GVQW3: variants seen among roughly 807,000 people sequenced by gnomAD.
The protein encoded by GVQW3 is protein GVQW3.
Under a neutral mutation model 12.5 loss-of-function variants are expected in GVQW3, and 7 were observed. The observed-to-expected ratio is 0.56, with a 90% CI of 0.32 to 1.05. The LOEUF is 1.05. Ranked by LOEUF, GVQW3 falls within the 50% of genes least tolerant of loss-of-function variation. GVQW3 has a pLI of 0.04. For missense variants in GVQW3, 188 were observed against 190.8 expected (o/e 0.99, Z 0.09); for synonymous variants, 71 against 67.2 (o/e 1.06, Z -0.28).
In GVQW3 at chr11:76,386,841, A is replaced by G. The variant is rs558126234; in HGVS notation, c.465+4548A>G. Among the ~76,000 whole-genome samples, 33 of 152,254 alleles carry G rather than the reference A, an allele frequency of 2.2e-4. 1 individual carries two copies. The South Asian group carries it at 3.3e-3, about 15-fold the overall frequency. ...TCCTTGCAAATACTGTCCTAGTTGA[A>G]TCACCCCTTTCCCAGTATTAATATC... On this transcript the variant is annotated intron_variant, in intron 1 of 1. Coordinates refer to ENST00000529331, the MANE Select transcript of GVQW3 (RefSeq NM_001347885.2).
chr11:76,412,056 C>T (rs1238764569), downstream of GVQW3: 1 of 152,164 alleles, frequency 6.6e-6, no homozygotes, highest in African/African-American at 2.4e-5. Flanking sequence ...ACAGCTTTCC[C>T]AGAGAGCCCA....
At chr11:76,393,338 G>C (rs989544789) in intron 1 of GVQW3, among the ~76,000 whole-genome samples, 1 of 152,082 alleles carries the variant, frequency 6.6e-6, no homozygotes, top group African/African-American at 2.4e-5. Context: ...TTGGAATCAT[G>C]TTTTCTTTGA....
intron 1 of GVQW3, among the ~76,000 whole-genome samples, chr11:76,398,651 T>C (rs1426989544): frequency 6.6e-6 from 1 of 152,058 alleles, no homozygotes. Flanking sequence ...TTTATGGAGT[T>C]GGTCTTGCTA....
At chr11:76,398,120 CTG>C (rs1565245752) in intron 1 of GVQW3, among the ~76,000 whole-genome samples, 2 of 140,118 alleles carry the variant, frequency 1.4e-5, no homozygotes, top group African/African-American at 5.4e-5. Flanking sequence ...GGGTAATAGA[CTG>C]AGACTGTGTC....
chr11:76,408,065 A>T lies in GVQW3; in HGVS notation c.*4307A>T, dbSNP rs528687916. 2.8e-4 allele frequency: 43 copies of T among 152,252 alleles called. No homozygotes were observed. The highest frequency in any genetic ancestry group is 1.0e-3 in the African/African-American group (43 of 41,584). The allele number at this position is 152,252 out of a possible 1,614,324, so 9.4% of individuals were successfully genotyped here. ...TATATATAATTTTTCTTATTATAAC[A>T]ATAAATATTACTTTTGTAGTTAGAA... On this transcript the variant is annotated 3_prime_UTR_variant, in exon 2 of 2. Transcript: ENST00000529331.
At chr11:76,386,595 A>G (rs1946836707) in intron 1 of GVQW3, among the ~76,000 whole-genome samples, 2 of 152,196 alleles carry the variant, frequency 1.3e-5, no homozygotes, top group African/African-American at 4.8e-5. Flanking sequence ...CTATTTGCAG[A>G]CATCATCACC....
At chr11:76,390,670 G>C (rs1049322126) in intron 1 of GVQW3, among the ~76,000 whole-genome samples, 1 of 151,888 alleles carries the variant, frequency 6.6e-6, no homozygotes, top group African/African-American at 2.4e-5. Context: ...AAAAAAATAC[G>C]AAAAAAATTA....
At chr11:76,385,372 G>T (rs1946822819) in intron 1 of GVQW3, among the ~76,000 whole-genome samples, 1 of 152,008 alleles carries the variant, frequency 6.6e-6, no homozygotes, top group Non-Finnish European at 1.5e-5. Flanking sequence ...TTTTGCCCTG[G>T]CCTGCACCTT....
chr11:76,384,082 G>A (rs1946806745), intron 1 of GVQW3, among the ~76,000 whole-genome samples: 1 of 152,176 alleles, frequency 6.6e-6, no homozygotes, highest in Non-Finnish European at 1.5e-5. Context: ...TTCCCAAGTG[G>A]GTTCCAAGTA....
At chr11:76,392,581 A>T (rs1946902794) in intron 1 of GVQW3, 1 of 152,216 alleles carries the variant, frequency 6.6e-6, no homozygotes. Flanking sequence ...CCTTTACTAA[A>T]ATGTACATTC....
At chr11:76,409,214 T>C (rs1590828072), downstream of GVQW3, among the ~76,000 whole-genome samples, 1 of 152,202 alleles carries the variant, frequency 6.6e-6, no homozygotes, top group African/African-American at 2.4e-5. Context: ...TGCCAGGTAA[T>C]GTTCTAGATG....
chr11:76,409,941 A>G (rs1487516543), downstream of GVQW3, among the ~76,000 whole-genome samples: 1 of 152,156 alleles, frequency 6.6e-6, no homozygotes, highest in Non-Finnish European at 1.5e-5. Context: ...CATGTCCAGT[A>G]AGTATCACTA....
intron 1 of GVQW3, among the ~76,000 whole-genome samples, chr11:76,393,770 G>A (rs1397011601): frequency 2.6e-5 from 4 of 151,902 alleles, no homozygotes; most frequent in South Asian, 2.1e-4. Context: ...TATTTATGGA[G>A]TATATTGAAT....
At position 76,382,231 on chromosome 11, in the gene GVQW3, C is replaced by G; in HGVS notation, c.403C>G (p.Leu135Val). 1 of 1,536,048 alleles carries G rather than the reference C, an allele frequency of 6.5e-7. No homozygotes were observed. The highest frequency in any genetic ancestry group is 1.4e-5 in the African/African-American group (1 of 73,170). The stretch of plus-strand genomic sequence containing the variant: ...GAAGGGTGAGCCTAAACCACGAAAA[C>G]TTGACTTTCGGTCCGATCTTTCAAA... ...VLKGEPKPRK[L>V]DFRSDLSKET... Residue 135 changes from leucine to valine, a missense_variant, in exon 1 of 2, where the codon CTT (leucine) becomes GTT (valine). Coordinates refer to ENST00000529331, the MANE Select transcript of GVQW3 (RefSeq NM_001347885.2).
chr11:76,389,468 GC>G (rs3832743), intron 1 of GVQW3, among the ~76,000 whole-genome samples: 31,098 of 152,108 alleles, frequency 0.2, 3,720 homozygotes, highest in Admixed American at 0.32. Flanking sequence ...TGGCAGCAAG[GC>G]TGGGACAGAA....
At chr11:76,384,061 G>A (rs1169650939) in intron 1 of GVQW3, among the ~76,000 whole-genome samples, 1 of 152,202 alleles carries the variant, frequency 6.6e-6, no homozygotes, top group Non-Finnish European at 1.5e-5. Context: ...AGGATTTATG[G>A]AATGGAACTT....
chr11:76,391,811 G>A (rs1288225117), intron 1 of GVQW3, among the ~76,000 whole-genome samples: 7 of 152,128 alleles, frequency 4.6e-5, no homozygotes, highest in East Asian at 1.9e-4. Flanking sequence ...AAAATTAGCC[G>A]GGTGTGGTGG....
At position 76,390,126 on chromosome 11, in the gene GVQW3, A is replaced by T. The variant is rs530441394; in HGVS notation, c.465+7833A>T. The T allele has an allele frequency of 2.6e-5, 4 of 152,352 alleles. No homozygotes were observed. In the South Asian group the frequency reaches 8.3e-4, roughly 32 times the overall value. 9.4% of individuals were successfully genotyped at this position (152,352 alleles called of 1,614,324 possible). A position where few individuals can be genotyped will look rare whatever the true frequency, so the allele number is the denominator to read the frequency against. ...CTTTAGTAAAATGATTATTATAAAA[A>T]TGTTAAAGGTCTCCTCAGTGAAATT... On this transcript the variant is annotated intron_variant, in intron 1 of 1. Transcript: ENST00000529331.
intron 1 of GVQW3, among the ~76,000 whole-genome samples, chr11:76,401,949 A>G (rs1254228127): frequency 6.6e-6 from 1 of 152,096 alleles, no homozygotes; most frequent in Admixed American, 6.5e-5. Context: ...TCAAAGATCA[A>G]TCTTTCTTGC....
Sources: allele counts gnomAD v4.1 joint callset (sites outside exome capture counted in the v4.1 genomes callset), GRCh38; gene constraint gnomAD v4.1.1; transcripts MANE v1.5; gene names NCBI Gene and HGNC (gene_info 2026-07-23, HGNC 2026-07-21).